The following RETREG1 variants were observed in gnomAD, a reference collection of about 807,000 sequenced individuals.
RETREG1 encodes reticulophagy regulator 1.
In RETREG1, 44 loss-of-function variants were observed where a neutral mutation model predicts 54.8. The observed-to-expected ratio is 0.80, with a 90% confidence interval of 0.63 to 1.03. The LOEUF (loss-of-function observed/expected upper bound fraction) is 1.03. Ranked by LOEUF, RETREG1 falls within the 50% of genes least tolerant of loss-of-function variation. The probability of loss-of-function intolerance (pLI) is 0.00; values close to 1 mark genes in which losing one functional copy is unlikely to be tolerated. For missense variants in RETREG1, 554 were observed against 605.1 expected, an observed-to-expected ratio of 0.92 and a Z score of 0.89; for synonymous variants, 217 against 238.5, an observed-to-expected ratio of 0.91 and a Z score of 0.83.
chr5:16,577,586 A>C (rs1376688500), intron 1 of RETREG1, among the ~76,000 whole-genome samples: 2 of 151,724 alleles, frequency 1.3e-5, no homozygotes, highest in Non-Finnish European at 2.9e-5. Context: ...TCTTCCCTTT[A>C]TTTTACCGGT....
At chr5:16,543,914 T>C (rs1741316689) in intron 3 of RETREG1, among the ~76,000 whole-genome samples, 1 of 152,070 alleles carries the variant, frequency 6.6e-6, no homozygotes. Flanking sequence ...TTTATTTTCT[T>C]TGTTGAAGTG....
chr5:16,548,692 T>A (rs1454660928), intron 3 of RETREG1, among the ~76,000 whole-genome samples: 2 of 152,242 alleles, frequency 1.3e-5, no homozygotes, highest in African/African-American at 4.8e-5. Context: ...GTAAAGGATC[T>A]TGAGAATACT....
intron 3 of RETREG1, among the ~76,000 whole-genome samples, chr5:16,500,623 A>C (rs1398034929): frequency 6.6e-6 from 1 of 152,192 alleles, no homozygotes; most frequent in East Asian, 1.9e-4. Flanking sequence ...AACCAGCTGC[A>C]CAAAAGACAT....
intron 3 of RETREG1, chr5:16,509,322 C>T (rs530585549): frequency 2.6e-5 from 4 of 152,338 alleles, no homozygotes; most frequent in African/African-American, 9.6e-5. Context: ...CTTTTCGGGT[C>T]ATCTAGATTT....
intron 1 of RETREG1, among the ~76,000 whole-genome samples, chr5:16,595,323 T>G (rs146924639): frequency 7.2e-4 from 110 of 152,346 alleles, no homozygotes; most frequent in East Asian, 5.6e-3. Flanking sequence ...CCCTGTATTA[T>G]GTTTAATAGC....
At position 16,474,898 on chromosome 5, in the gene RETREG1, T is replaced by A. The variant is rs928508465; in HGVS notation, c.1337A>T (p.Asp446Val). ...GTCATCACCTTCTTCAGTGTCTGTG[T>A]CCTCTTCTGGGATGGGGGCAGCCTG... ...LSQAAPIPEE[D>V]TDTEEGDDFE... Residue 446 changes from aspartate (D) to valine (V), a missense_variant, in exon 9 of 9, where the codon GAC becomes GTC. Coordinates refer to ENST00000306320, the MANE Select transcript of RETREG1 (RefSeq NM_001034850.3). 16 of 1,613,808 alleles carry A rather than the reference T, an allele frequency of 9.9e-6. No individual in the cohort carries two copies. The African/African-American group carries it at 2.1e-4, about 22-fold the overall frequency.
intron 1 of RETREG1, among the ~76,000 whole-genome samples, chr5:16,582,779 T>A (rs1016281072): frequency 2.0e-5 from 3 of 152,172 alleles, no homozygotes; most frequent in African/African-American, 7.2e-5. Flanking sequence ...TCAAAATTAG[T>A]CTGCACTGGC....
At chr5:16,508,822 C>T in intron 3 of RETREG1, 1 of 1,437,812 alleles carries the variant, frequency 7.0e-7, no homozygotes, top group Non-Finnish European at 9.1e-7. Flanking sequence ...GCCTGCCTCC[C>T]TTGAATGAAG....
chr5:16,578,924 T>C (rs1301433979), intron 1 of RETREG1, among the ~76,000 whole-genome samples: 2 of 152,154 alleles, frequency 1.3e-5, no homozygotes, highest in African/African-American at 2.4e-5. Flanking sequence ...AGCCAGTAAC[T>C]ACATAAAGCA....
chr5:16,505,967 A>G (rs1355253691), intron 3 of RETREG1, among the ~76,000 whole-genome samples: 2 of 152,160 alleles, frequency 1.3e-5, no homozygotes, highest in African/African-American at 4.8e-5. Flanking sequence ...GAGTCTCCAG[A>G]GGCTCCTACT....
chr5:16,498,450 C>T (rs937467621), intron 3 of RETREG1, among the ~76,000 whole-genome samples: 42 of 152,326 alleles, frequency 2.8e-4, no homozygotes, highest in African/African-American at 9.6e-4. Context: ...CAGTAGCTCA[C>T]GCCTGTAATC....
intron 2 of RETREG1, among the ~76,000 whole-genome samples, chr5:16,570,045 G>A (rs1172788464): frequency 2.6e-5 from 4 of 152,274 alleles, no homozygotes; most frequent in Admixed American, 6.5e-5. Flanking sequence ...CACTGACTTC[G>A]GACTACTGTC....
At chr5:16,616,537 G>C in intron 1 of RETREG1, 115 bp downstream of exon 1, 1 of 1,484,990 alleles carries the variant, frequency 6.7e-7, no homozygotes, top group South Asian at 1.3e-5. Context: ...GGGCAGGGCT[G>C]ACAATTCTTC....
chr5:16,591,054 G>A (rs1005501833), intron 1 of RETREG1, among the ~76,000 whole-genome samples: 4 of 152,056 alleles, frequency 2.6e-5, no homozygotes, highest in East Asian at 1.9e-4. Flanking sequence ...ATCTATCATA[G>A]CACAGAATAA....
rs1738649026 is a variant in RETREG1, at chr5:16,478,902, T to A, written c.756A>T (p.Lys252Asn). ...TATATTCTCCAATTCCAAAATCCAG[T>A]TTCAGCAGAACTGACTTAATTTTGC... is the stretch of plus-strand genomic sequence containing the variant. ...IYSKIKSVLL[K>N]LDFGIGEYIN... is the part of the protein sequence containing the mutation. The change falls in exon 6 of 9, where the codon AAA becomes AAT. Residue 252 changes from lysine to asparagine, a missense_variant. Physicochemically the swap from Lys to Asn is moderately conservative, Grantham distance 94. Transcript: ENST00000306320. The A allele has an allele frequency of 1.2e-6, 2 of 1,612,394 alleles. No homozygotes were observed. The highest frequency in any genetic ancestry group is 1.7e-5 in the Admixed American group (1 of 59,864).
At chr5:16,507,443 T>A (rs1251350170) in intron 3 of RETREG1, among the ~76,000 whole-genome samples, 1 of 152,190 alleles carries the variant, frequency 6.6e-6, no homozygotes, top group Non-Finnish European at 1.5e-5. Context: ...CATTTACACT[T>A]TTCTGGAAAT....
intron 3 of RETREG1, among the ~76,000 whole-genome samples, chr5:16,512,249 TG>T (rs750534232): frequency 5.7e-4 from 86 of 152,132 alleles, no homozygotes; most frequent in Non-Finnish European, 9.3e-4. Context: ...GCTGAAACTG[TG>T]GAACAGCAAA....
intron 3 of RETREG1, among the ~76,000 whole-genome samples, chr5:16,560,405 G>A (rs1181315604): frequency 6.6e-6 from 1 of 152,146 alleles, no homozygotes; most frequent in East Asian, 1.9e-4. Flanking sequence ...CACTGTGAGT[G>A]GTGAATGGCC....
At chr5:16,591,940 G>A (rs1302874352) in intron 1 of RETREG1, among the ~76,000 whole-genome samples, 2 of 152,206 alleles carry the variant, frequency 1.3e-5, no homozygotes, top group South Asian at 4.1e-4. Context: ...CATTTGACAT[G>A]AAACAGCAAC....
Sources: allele counts gnomAD v4.1 joint callset (sites outside exome capture counted in the v4.1 genomes callset), GRCh38; gene constraint gnomAD v4.1.1; transcripts MANE v1.5; gene names NCBI Gene and HGNC (gene_info 2026-07-23, HGNC 2026-07-21).